The following TASP1 variants were observed in gnomAD, a reference collection of about 807,000 sequenced individuals.
The protein encoded by TASP1 is taspase 1.
In TASP1, 16 loss-of-function variants were observed where a neutral mutation model predicts 56.6. The observed-to-expected ratio is 0.28, with a 90% confidence interval of 0.19 to 0.43. The LOEUF (loss-of-function observed/expected upper bound fraction) is 0.43, where lower values mean the gene tolerates loss of function less well. Among genes scored for constraint, TASP1 ranks in the 20% least tolerant of loss-of-function variants. TASP1 has a pLI of 1.00. For missense variants in TASP1, 393 were observed against 511.6 expected, an observed-to-expected ratio of 0.77 and a Z score of 2.24; for synonymous variants, 179 against 184.2, an observed-to-expected ratio of 0.97 and a Z score of 0.23.
intron 1 of TASP1, among the ~76,000 whole-genome samples, chr20:13,636,408 C>T (rs2049312492): frequency 6.6e-6 from 1 of 151,130 alleles, no homozygotes; most frequent in Admixed American, 6.6e-5. Flanking sequence ...GATCCGCCTG[C>T]CTGGGCCTCC....
chr20:13,112,417 C>T, the TASP1 span, among the ~76,000 whole-genome samples: 1 of 152,186 alleles, frequency 6.6e-6, no homozygotes, highest in African/African-American at 2.4e-5. Flanking sequence ...CAAAGGCTGC[C>T]GGCACTGAGA....
At chr20:13,614,593 A>G (rs1053135851) in intron 4 of TASP1, 12 of 241,500 alleles carry the variant, frequency 5.0e-5, no homozygotes, top group Non-Finnish European at 8.4e-5. Flanking sequence ...ATCTGCACTC[A>G]CCTCCTTTCT....
At chr20:13,242,059 T>A in the TASP1 span, among the ~76,000 whole-genome samples, 1 of 151,834 alleles carries the variant, frequency 6.6e-6, no homozygotes, top group African/African-American at 2.4e-5. Context: ...TCTCAATGAG[T>A]TTTAAAACTG....
the TASP1 span, among the ~76,000 whole-genome samples, chr20:13,381,440 C>A: frequency 6.6e-6 from 1 of 152,206 alleles, no homozygotes; most frequent in Non-Finnish European, 1.5e-5. Flanking sequence ...AAGCCAGGTA[C>A]CTCAGATGGA....
At chr20:13,289,142 G>A in the TASP1 span, among the ~76,000 whole-genome samples, 1 of 152,162 alleles carries the variant, frequency 6.6e-6, no homozygotes, top group Non-Finnish European at 1.5e-5. Flanking sequence ...GAGCTGAATG[G>A]ATTTTCTGAG....
chr20:13,246,221 C>T, the TASP1 span, among the ~76,000 whole-genome samples: 1 of 149,586 alleles, frequency 6.7e-6, no homozygotes, highest in Non-Finnish European at 1.5e-5. Flanking sequence ...TGCAGTGAGC[C>T]AAGATCATGC....
intron 4 of TASP1, among the ~76,000 whole-genome samples, chr20:13,608,654 C>A (rs899328934): frequency 6.6e-6 from 1 of 152,186 alleles, no homozygotes; most frequent in Non-Finnish European, 1.5e-5. Flanking sequence ...AAATATTATT[C>A]TTCTTTTGAT....
chr20:13,626,105 G>A (rs2147552420), intron 2 of TASP1, among the ~76,000 whole-genome samples: 1 of 152,232 alleles, frequency 6.6e-6, no homozygotes, highest in Non-Finnish European at 1.5e-5. Context: ...AAGCCCCATA[G>A]GGGTCCAATG....
intron 11 of TASP1, among the ~76,000 whole-genome samples, chr20:13,477,655 A>G (rs1465255331): frequency 6.6e-6 from 1 of 152,170 alleles, no homozygotes; most frequent in Admixed American, 6.5e-5. Context: ...GAGGTTTTAT[A>G]TGTGTATATG....
chr20:13,314,977 A>G, the TASP1 span, among the ~76,000 whole-genome samples: 1 of 152,106 alleles, frequency 6.6e-6, no homozygotes, highest in Admixed American at 6.6e-5. Context: ...GACTTGGATT[A>G]GTTGTAAATG....
At chr20:13,156,680 A>T in the TASP1 span, among the ~76,000 whole-genome samples, 1 of 152,244 alleles carries the variant, frequency 6.6e-6, no homozygotes, top group Non-Finnish European at 1.5e-5. Flanking sequence ...GCATCAATTA[A>T]TAAAGTCATT....
the TASP1 span, among the ~76,000 whole-genome samples, chr20:13,234,280 C>T: frequency 2.2e-4 from 33 of 152,324 alleles, no homozygotes; most frequent in East Asian, 1.2e-3. Flanking sequence ...CATGTTGCTG[C>T]GAGAGACATG....
At position 13,528,356 on chromosome 20, in the gene TASP1, C is replaced by T. The variant is rs3761891; in HGVS notation, c.874+77G>A. The T allele has an allele frequency of 3.9e-6, 5 of 1,274,520 alleles. No individual in the cohort carries two copies. The East Asian group carries it at 1.2e-4, about 30-fold the overall frequency. 79.0% of individuals were successfully genotyped at this position (1,274,520 alleles called of 1,614,324 possible). Reference sequence around the variant, plus strand: ...GTCATAGCACATGTTCTATGTTTACCCACAAATATTGCTTTTAATCATTAA... The same window carrying T: ...GTCATAGCACATGTTCTATGTTTACTCACAAATATTGCTTTTAATCATTAA... On this transcript the variant is annotated intron_variant, in intron 10 of 13. Coordinates refer to ENST00000337743, the MANE Select transcript of TASP1 (RefSeq NM_017714.3).
chr20:13,427,231 T>C (rs2042647935), intron 12 of TASP1, among the ~76,000 whole-genome samples: 1 of 152,212 alleles, frequency 6.6e-6, no homozygotes, highest in Non-Finnish European at 1.5e-5. Flanking sequence ...TACAGTAAAA[T>C]AACCTTTTAT....
At chr20:13,445,402 A>G (rs1330778821) in intron 11 of TASP1, among the ~76,000 whole-genome samples, 4 of 152,234 alleles carry the variant, frequency 2.6e-5, no homozygotes, top group Non-Finnish European at 5.9e-5. Context: ...TTTGAAATTC[A>G]TAAAGCAGTC....
chr20:13,437,097 C>T (rs1239491717), intron 11 of TASP1, among the ~76,000 whole-genome samples: 2 of 151,950 alleles, frequency 1.3e-5, no homozygotes, highest in East Asian at 1.9e-4. Flanking sequence ...AACATCGATG[C>T]AAAAATCCTC....
At chr20:13,115,538 T>G in the TASP1 span, among the ~76,000 whole-genome samples, 2 of 152,146 alleles carry the variant, frequency 1.3e-5, no homozygotes, top group Non-Finnish European at 2.9e-5. Context: ...CATGTCAGGT[T>G]TTTTGGCATA....
At chr20:13,263,233 C>G in the TASP1 span, among the ~76,000 whole-genome samples, 2 of 152,164 alleles carry the variant, frequency 1.3e-5, no homozygotes, top group African/African-American at 4.8e-5. Context: ...ATGAGAGCAG[C>G]AGCTGGTCAG....
downstream of TASP1, among the ~76,000 whole-genome samples, chr20:13,386,527 T>C (rs1467494287): frequency 2.0e-5 from 3 of 152,164 alleles, no homozygotes; most frequent in Non-Finnish European, 2.9e-5. Context: ...TAATACAATC[T>C]CAAGATTCAA....
Sources: allele counts gnomAD v4.1 joint callset (sites outside exome capture counted in the v4.1 genomes callset), GRCh38; gene constraint gnomAD v4.1.1; transcripts MANE v1.5; gene names NCBI Gene and HGNC (gene_info 2026-07-23, HGNC 2026-07-21).